Variants in TLE4 observed in about 807,000 individuals in gnomAD.
TLE4 encodes the protein transducin-like enhancer protein 4.
In TLE4, 8 loss-of-function variants were observed where a neutral mutation model predicts 92.8. The ratio of observed to expected loss-of-function variants is 0.09; its 90% confidence interval spans 0.05 to 0.16. The LOEUF (loss-of-function observed/expected upper bound fraction) is 0.16. Ranked by LOEUF, TLE4 falls within the 10% of genes least tolerant of loss-of-function variation. The pLI is 1.00. For synonymous variants in TLE4, 371 were observed against 374.1 expected (o/e 0.99, Z 0.10); for missense variants, 675 against 997.6 (o/e 0.68, Z 4.36).
chr9:79,666,858 C>T lies in TLE4; in HGVS notation c.609+12783C>T, dbSNP rs1006131030. On this transcript the variant is annotated intron_variant, in intron 8 of 19. Coordinates refer to ENST00000376552, the MANE Select transcript of TLE4 (RefSeq NM_007005.6). Reference sequence around the variant, plus strand: ...TGTACCTGATACTTAACCTGTTGGGCCTACCCAGGGACAGTGAAAGAGTCC... The same window carrying T: ...TGTACCTGATACTTAACCTGTTGGGTCTACCCAGGGACAGTGAAAGAGTCC... 3.9e-5 allele frequency among the ~76,000 whole-genome samples: 6 copies of T among 152,186 alleles called. No individual in the cohort carries two copies. The South Asian group carries it at 1.0e-3, about 26-fold the overall frequency.
At chr9:79,586,280 T>C (rs1312776279) in intron 4 of TLE4, among the ~76,000 whole-genome samples, 1 of 151,852 alleles carries the variant, frequency 6.6e-6, no homozygotes, top group Admixed American at 6.6e-5. Flanking sequence ...GGAGAATCAC[T>C]TGAACCAGGG....
chr9:79,707,307 C>A, intron 11 of TLE4: 2 of 1,102,204 alleles, frequency 1.8e-6, no homozygotes, highest in Admixed American at 2.0e-5. Context: ...TTTTCCCTTC[C>A]TATCTAAAAA....
chr9:79,643,938 T>C (rs1364222409), intron 6 of TLE4, among the ~76,000 whole-genome samples: 1 of 152,216 alleles, frequency 6.6e-6, no homozygotes, highest in Non-Finnish European at 1.5e-5. Context: ...CCTCACTCTC[T>C]GTGCATATGA....
At chr9:79,603,382 A>G (rs578044525) in intron 4 of TLE4, among the ~76,000 whole-genome samples, 4 of 152,264 alleles carry the variant, frequency 2.6e-5, no homozygotes, top group Admixed American at 6.5e-5. Context: ...ACTTTCAGCA[A>G]CCACCACCCT....
At chr9:79,598,715 T>A (rs532615388) in intron 4 of TLE4, among the ~76,000 whole-genome samples, 1 of 152,164 alleles carries the variant, frequency 6.6e-6, no homozygotes, top group Non-Finnish European at 1.5e-5. Context: ...CTCACATTAC[T>A]CTCTCCCCAA....
intron 8 of TLE4, 95 bp from the exon 9 acceptor site, chr9:79,704,688 G>T (rs1378328641): frequency 2.0e-6 from 3 of 1,505,544 alleles, no homozygotes; most frequent in Admixed American, 4.4e-5. Context: ...ATATGCTAAA[G>T]AATAAAAAGA....
At chr9:79,586,626 G>A (rs550670972) in intron 4 of TLE4, among the ~76,000 whole-genome samples, 4 of 152,224 alleles carry the variant, frequency 2.6e-5, no homozygotes, top group Non-Finnish European at 5.9e-5. Flanking sequence ...TCCCATCAAG[G>A]ACCCTTTCCT....
intron 6 of TLE4, among the ~76,000 whole-genome samples, chr9:79,647,114 T>C (rs1316156754): frequency 6.6e-6 from 1 of 152,148 alleles, no homozygotes; most frequent in East Asian, 1.9e-4. Flanking sequence ...ATGACATTAG[T>C]GGAACAACTA....
intron 8 of TLE4, among the ~76,000 whole-genome samples, chr9:79,656,507 A>T (rs1486658457): frequency 6.6e-6 from 1 of 152,216 alleles, no homozygotes; most frequent in African/African-American, 2.4e-5. Flanking sequence ...GCCATCTGTC[A>T]AAAGGAAATT....
At chr9:79,713,732 C>T (rs1177986324) in intron 14 of TLE4, among the ~76,000 whole-genome samples, 3 of 152,170 alleles carry the variant, frequency 2.0e-5, no homozygotes, top group Non-Finnish European at 2.9e-5. Flanking sequence ...CCTCAGATCT[C>T]GTCAATTTAG....
intron 8 of TLE4, among the ~76,000 whole-genome samples, chr9:79,675,259 T>C (rs1360193274): frequency 1.3e-5 from 2 of 152,206 alleles, no homozygotes; most frequent in African/African-American, 4.8e-5. Context: ...CTTTTCTTTG[T>C]TTTCCTTTCC....
intron 8 of TLE4, among the ~76,000 whole-genome samples, chr9:79,704,187 C>T (rs1301180796): frequency 6.6e-6 from 1 of 152,088 alleles, no homozygotes; most frequent in Admixed American, 6.5e-5. Flanking sequence ...CATCTTGGCT[C>T]ACTGCAGCAT....
chr9:79,673,824 ATAGAG>A (rs2062809711), intron 8 of TLE4, among the ~76,000 whole-genome samples: 1 of 152,182 alleles, frequency 6.6e-6, no homozygotes. Flanking sequence ...CAGGCTCAAA[ATAGAG>A]TAGATGGCCA....
chr9:79,686,233 G>T (rs1229694268), intron 8 of TLE4, among the ~76,000 whole-genome samples: 1 of 152,064 alleles, frequency 6.6e-6, no homozygotes, highest in African/African-American at 2.4e-5. Flanking sequence ...AACGCCCATG[G>T]ATACCTAAGG....
intron 6 of TLE4, among the ~76,000 whole-genome samples, chr9:79,650,669 T>C (rs946831458): frequency 6.6e-6 from 1 of 152,166 alleles, no homozygotes. Flanking sequence ...AGAATCACCT[T>C]ATCTCAAAAC....
intron 4 of TLE4, among the ~76,000 whole-genome samples, chr9:79,595,242 A>G (rs886818698): frequency 1.3e-5 from 2 of 152,222 alleles, no homozygotes; most frequent in African/African-American, 2.4e-5. Flanking sequence ...GTCTAAGGCA[A>G]TAAGAAATTA....
rs1223635531 is a variant in TLE4, at chr9:79,592,168, TTCC to T, written c.252+15994_252+15996del. The stretch of plus-strand genomic sequence containing the variant: ...TTCTTCTTTCTTCTTCTTCTTCTTC[TTCC>T]TCTTCCTCTTCCTCTTCTTCTTCTT... On this transcript the variant is annotated intron_variant, in intron 4 of 19. Transcript: ENST00000376552. Among the ~76,000 whole-genome samples the T allele has an allele frequency of 1.8e-3, 248 of 135,714 alleles. 3 individuals are homozygous for T. The highest frequency in any genetic ancestry group is 6.7e-3 in the African/African-American group (221 of 33,006). The allele number at this position is 135,714 out of a possible 152,430, so 89.0% of individuals were successfully genotyped here. A position where few individuals can be genotyped will look rare whatever the true frequency, so the allele number is the denominator to read the frequency against.
intron 14 of TLE4, among the ~76,000 whole-genome samples, chr9:79,711,752 T>C (rs1034773356): frequency 2.0e-5 from 3 of 152,236 alleles, no homozygotes; most frequent in African/African-American, 7.2e-5. Context: ...TTCATCAGTT[T>C]TAACTTTCGA....
Position 79,572,195 on chromosome 9 carries a change from G to A in TLE4, c.-596G>A, listed in dbSNP as rs1321710493. 2.6e-5 allele frequency: 4 copies of A among 151,938 alleles called. No homozygotes were observed. Among genetic ancestry groups the A allele is most frequent in the Non-Finnish European group, 5.9e-5 (4 of 67,996 alleles). 9.4% of individuals were successfully genotyped at this position (151,938 alleles called of 1,614,324 possible). A position where few individuals can be genotyped will look rare whatever the true frequency, so the allele number is the denominator to read the frequency against. The stretch of plus-strand genomic sequence containing the variant: ...GGAAGGAAGAGAAATAAGGAAATGA[G>A]ATGTGGTAAAAGAAGCTAAAAGGTG... On this transcript the variant is annotated 5_prime_UTR_variant, in exon 1 of 20. Coordinates refer to ENST00000376552, the MANE Select transcript of TLE4 (RefSeq NM_007005.6).
Sources: gnomAD v4.1 joint callset for allele counts (sites outside exome capture counted in the v4.1 genomes callset) on GRCh38, gnomAD v4.1.1 for gene constraint, MANE v1.5 for transcripts, NCBI Gene and HGNC (gene_info 2026-07-23, HGNC 2026-07-21) for gene names.